HNRNPDL: variants seen among roughly 807,000 people sequenced by gnomAD.
HNRNPDL encodes the protein heterogeneous nuclear ribonucleoprotein D-like.
HNRNPDL carries 18 observed loss-of-function variants against 48.0 expected under a neutral mutation model. The ratio of observed to expected loss-of-function variants is 0.38; its 90% confidence interval spans 0.26 to 0.56. HNRNPDL has a LOEUF of 0.56. Among genes scored for constraint, HNRNPDL ranks in the 20% least tolerant of loss-of-function variants. The pLI, the probability that HNRNPDL is intolerant of heterozygous loss-of-function variation, is 0.77. For missense variants in HNRNPDL, 553 were observed against 540.7 expected, an observed-to-expected ratio of 1.02 and a Z score of -0.23; for synonymous variants, 306 against 207.3, an observed-to-expected ratio of 1.48 and a Z score of -4.09.
intron 1 of HNRNPDL, 100 bp downstream of exon 1, chr4:82,429,148 C>T (rs1258384110): frequency 1.8e-6 from 2 of 1,114,830 alleles, no homozygotes; most frequent in Non-Finnish European, 2.7e-6. Flanking sequence ...CGCGGGGAAT[C>T]GACTCTGAGA....
Position 82,426,312 on chromosome 4 carries a change from A to T in HNRNPDL, c.1192+151T>A, listed in dbSNP as rs1252655488. ...TCATTTATAACCACCAGTCTATGTT[A>T]GTATAATCATCCTATGATTGTAACA... On this transcript the variant is annotated intron_variant, in intron 6 of 7. Transcript: ENST00000295470. 3.6e-6 allele frequency: 3 copies of T among 832,582 alleles called. No homozygotes were observed. The East Asian group carries it at 7.8e-5, about 22-fold the overall frequency. The allele number at this position is 832,582 out of a possible 1,614,324, so 51.6% of individuals were successfully genotyped here. A position where few individuals can be genotyped will look rare whatever the true frequency, so the allele number is the denominator to read the frequency against.
rs1384983218 is a variant in HNRNPDL, at chr4:82,429,733, G to A, written c.-43C>T. On this transcript the variant is annotated 5_prime_UTR_variant, in exon 1 of 8. Transcript: ENST00000295470. ...GGAGAGAGGCCACGCGTGAGGGGAC[G>A]CGGGCTTGGGAGAAGAGAAGAATCA... 7 of 1,297,912 alleles carry A rather than the reference G, an allele frequency of 5.4e-6. No homozygotes were observed. The highest frequency in any genetic ancestry group is 4.7e-5 in the African/African-American group (3 of 64,068). The allele number at this position is 1,297,912 out of a possible 1,614,324, so 80.4% of individuals were successfully genotyped here.
Position 82,429,420 on chromosome 4 carries a change from T to C in HNRNPDL, c.271A>G (p.Lys91Glu). ...GCGGAGCGTTGTATGGAGCTGGATT[T>C]AAAATGGCGGCGGAAGAGATCCGGG... ...RRPDLFRRHF[K>E]SSSIQRSAAA... Residue 91 changes from lysine to glutamate, a missense_variant, in exon 1 of 8, where the codon AAA becomes GAA. Lys to Glu is a moderately conservative substitution (Grantham distance 56). Around this residue, in one of 4 missense-constraint regions of HNRNPDL, gnomAD observed 327 missense variants for 203.2 expected, o/e 1.61. Coordinates refer to ENST00000295470, the MANE Select transcript of HNRNPDL (RefSeq NM_031372.4). The C allele has an allele frequency of 6.2e-7, 1 of 1,612,728 alleles. No homozygotes were observed. Among genetic ancestry groups the C allele is most frequent in the Non-Finnish European group, 8.5e-7 (1 of 1,179,536 alleles).
At chr4:82,427,997 T>C in intron 3 of HNRNPDL, 21 bp downstream of exon 3, 1 of 1,608,144 alleles carries the variant, frequency 6.2e-7, no homozygotes. Context: ...AAGCTTAACA[T>C]GTGTAAACAT....
Position 82,423,461 on chromosome 4 carries a change from CA to C in HNRNPDL, c.*1444del, listed in dbSNP as rs1453113491. Reference sequence around the variant, plus strand: ...AGCAAAACAGCAGCAAAAAAGAGGCCAAGAGCATTATAATGTGATAGCCCAG... The same window carrying C: ...AGCAAAACAGCAGCAAAAAAGAGGCCAGAGCATTATAATGTGATAGCCCAG... On this transcript the variant is annotated 3_prime_UTR_variant, in exon 8 of 8. Coordinates refer to ENST00000295470, the MANE Select transcript of HNRNPDL (RefSeq NM_031372.4). 6.6e-6 allele frequency: 1 copy of C among 151,894 alleles called. No individual in the cohort carries two copies. The highest frequency in any genetic ancestry group is 1.5e-5 in the Non-Finnish European group (1 of 67,984). The allele number at this position is 151,894 out of a possible 1,614,324, so 9.4% of individuals were successfully genotyped here.
chr4:82,429,776 G>A lies in HNRNPDL; in HGVS notation c.-86C>T. 9.2e-7 allele frequency: 1 copy of A among 1,084,530 alleles called. No homozygotes were observed. The highest frequency in any genetic ancestry group is 2.7e-5 in the South Asian group (1 of 37,380). 67.2% of individuals were successfully genotyped at this position (1,084,530 alleles called of 1,614,324 possible). Reference sequence around the variant, plus strand: ...AAGAATCAGAAGAGAAAAACGAAGGGGCGTAAATTCCTGGGGTCAGCAGTC... The same window carrying A: ...AAGAATCAGAAGAGAAAAACGAAGGAGCGTAAATTCCTGGGGTCAGCAGTC... On this transcript the variant is annotated 5_prime_UTR_variant, in exon 1 of 8. Transcript: ENST00000295470.
Position 82,427,251 on chromosome 4 carries a change from T to C in HNRNPDL, c.960A>G (p.Gln320=). 6.2e-7 allele frequency: 1 copy of C among 1,614,116 alleles called. No individual in the cohort carries two copies. Among genetic ancestry groups the C allele is most frequent in the South Asian group, 1.1e-5 (1 of 91,068 alleles). Residue 320 remains glutamine, a synonymous_variant, in exon 5 of 8, where the codon CAA becomes CAG. Coordinates refer to ENST00000295470, the MANE Select transcript of HNRNPDL (RefSeq NM_031372.4). The stretch of plus-strand genomic sequence containing the variant: ...CTGCAGCACCTCTTCCACCTTTTTG[T>C]TGTTGCTGTTGCTGCCTATATACCT... ...PKEVYRQQQQ[Q]QKGGRGAAAG...
chr4:82,423,062 AAAGCCCAAATCTAGAGTT>A lies in HNRNPDL; in HGVS notation c.*1826_*1843del, dbSNP rs1316264534. On this transcript the variant is annotated 3_prime_UTR_variant, in exon 8 of 8. Transcript: ENST00000295470. ...GAAATCTGAATTAAATCTAGAGTTC[AAAGCCCAAATCTAGAGTT>A]CAAAGCCCCTGCAAGAAAAACCAAT... The A allele has an allele frequency of 1.7e-3, 8 of 4,790 alleles. No individual in the cohort carries two copies. The East Asian group carries it at 0.22, about 133-fold the overall frequency. 0.3% of individuals were successfully genotyped at this position (4,790 alleles called of 1,614,324 possible).
In HNRNPDL at chr4:82,424,351, T is replaced by G. The variant is rs1721326645; in HGVS notation, c.*555A>C. ...GAAAGCTTCTACTAATCACAACACT[T>G]ATGTCTTCCTTTCAGGACAGTCTTC... On this transcript the variant is annotated 3_prime_UTR_variant, in exon 8 of 8. Coordinates refer to ENST00000295470, the MANE Select transcript of HNRNPDL (RefSeq NM_031372.4). The G allele has an allele frequency of 6.6e-6, 1 of 152,568 alleles. No individual in the cohort carries two copies. Among genetic ancestry groups the G allele is most frequent in the Non-Finnish European group, 1.5e-5 (1 of 68,032 alleles). 9.5% of individuals were successfully genotyped at this position (152,568 alleles called of 1,614,324 possible).
rs1721320778 is a variant in HNRNPDL, at chr4:82,424,240, T to C, written c.*666A>G. On this transcript the variant is annotated 3_prime_UTR_variant, in exon 8 of 8. Transcript: ENST00000295470. Reference sequence around the variant, plus strand: ...TGATTAAAGCCAAAGTAATCAGCAATTCAAAAATGGCTTTCCAGAGACAGG... The same window carrying C: ...TGATTAAAGCCAAAGTAATCAGCAACTCAAAAATGGCTTTCCAGAGACAGG... 6.6e-6 allele frequency: 1 copy of C among 152,218 alleles called. No individual in the cohort carries two copies. The highest frequency in any genetic ancestry group is 1.5e-5 in the Non-Finnish European group (1 of 68,030). 9.4% of individuals were successfully genotyped at this position (152,218 alleles called of 1,614,324 possible).
chr4:82,427,640 C>G (rs1315216216), intron 3 of HNRNPDL, 76 bp from the exon 4 acceptor site: 3 of 1,348,122 alleles, frequency 2.2e-6, no homozygotes, highest in Non-Finnish European at 3.1e-6. Context: ...AAGGCCTTTT[C>G]AGGCTTCAAC....
rs1484048338 is a variant in HNRNPDL at position 82,429,448 on chromosome 4, C to G, written c.243G>C (p.Arg81=). ...GGAAIKGGRR[R]RPDLFRRHFK... ...AATGGCGGCGGAAGAGATCCGGGCG[C>G]CGCCTGCGCCCTCCCTTTATAGCCG... The change falls in exon 1 of 8, where the codon CGG becomes CGC. Residue 81 remains arginine (R), a synonymous_variant. Coordinates refer to ENST00000295470, the MANE Select transcript of HNRNPDL (RefSeq NM_031372.4). 2.5e-6 allele frequency: 4 copies of G among 1,607,094 alleles called. No homozygotes were observed. The highest frequency in any genetic ancestry group is 2.2e-5 in the South Asian group (2 of 90,834).
chr4:82,425,847 G>A, intron 7 of HNRNPDL, 190 bp downstream of exon 7: 1 of 526,196 alleles, frequency 1.9e-6, no homozygotes, highest in East Asian at 2.9e-5. Flanking sequence ...CAATACTAAA[G>A]AAAGTGAGAT....
At chr4:82,427,658 T>A in intron 3 of HNRNPDL, 94 bp from the exon 4 acceptor site, 1 of 1,156,582 alleles carries the variant, frequency 8.6e-7, no homozygotes, top group Non-Finnish European at 1.3e-6. Flanking sequence ...AACTTAAACA[T>A]GTTATTCTTA....
Position 82,426,148 on chromosome 4 carries a change from A to G in HNRNPDL, c.1193-19T>C. The G allele has an allele frequency of 1.9e-6, 3 of 1,581,470 alleles. No individual in the cohort carries two copies. Among genetic ancestry groups the G allele is most frequent in the Non-Finnish European group, 2.6e-6 (3 of 1,158,340 alleles). On this transcript the variant is annotated intron_variant, in intron 6 of 7. Transcript: ENST00000295470. ...TGTTGGCCTATTTTGAAAACACAGA[A>G]TTCTCATTAAGATAGTTTTCTACAA... is the stretch of plus-strand genomic sequence containing the variant.
chr4:82,427,652 TAAACA>T, intron 3 of HNRNPDL, 88 bp from the exon 4 acceptor site: 1 of 1,207,560 alleles, frequency 8.3e-7, no homozygotes, highest in Non-Finnish European at 1.2e-6. Context: ...GGCTTCAACT[TAAACA>T]TGTTATTCTT....
At position 82,429,789 on chromosome 4, in the gene HNRNPDL, G is replaced by A. The variant is rs994929442; in HGVS notation, c.-99C>T. 1.0e-5 allele frequency: 10 copies of A among 956,952 alleles called. No homozygotes were observed. The South Asian group carries it at 2.3e-4, about 22-fold the overall frequency. 59.3% of individuals were successfully genotyped at this position (956,952 alleles called of 1,614,324 possible). A position where few individuals can be genotyped will look rare whatever the true frequency, so the allele number is the denominator to read the frequency against. ...GAAAAACGAAGGGGCGTAAATTCCT[G>A]GGGTCAGCAGTCCCGAGCAGAGCCG... On this transcript the variant is annotated 5_prime_UTR_variant, in exon 1 of 8. Coordinates refer to ENST00000295470, the MANE Select transcript of HNRNPDL (RefSeq NM_031372.4).
intron 5 of HNRNPDL, among the ~76,000 whole-genome samples, chr4:82,426,836 C>T (rs1266704229): frequency 2.6e-5 from 4 of 152,170 alleles, no homozygotes; most frequent in African/African-American, 9.7e-5. Context: ...ACTTCCTAAA[C>T]TTAATGGAAA....
In HNRNPDL at chr4:82,429,762, G is replaced by A. The variant is rs926333123; in HGVS notation, c.-72C>T. ...GCTTGGGAGAAGAGAAGAATCAGAA[G>A]AGAAAAACGAAGGGGCGTAAATTCC... On this transcript the variant is annotated 5_prime_UTR_variant, in exon 1 of 8. Transcript: ENST00000295470. 2.6e-5 allele frequency: 31 copies of A among 1,200,112 alleles called. No homozygotes were observed. The highest frequency in any genetic ancestry group is 3.1e-5 in the Non-Finnish European group (29 of 933,570). 74.3% of individuals were successfully genotyped at this position (1,200,112 alleles called of 1,614,324 possible).
Sources: gnomAD v4.1 joint callset for allele counts (sites outside exome capture counted in the v4.1 genomes callset) on GRCh38, gnomAD v4.1.1 for gene constraint, gnomAD v4.1.1 regional missense constraint, MANE v1.5 for transcripts, NCBI Gene and HGNC (gene_info 2026-07-23, HGNC 2026-07-21) for gene names.